The following PCDH11X variants were observed in gnomAD, a reference collection of about 807,000 sequenced individuals.
The protein encoded by PCDH11X is protocadherin 11 X-linked.
PCDH11X carries 18 observed loss-of-function variants against 53.3 expected under a neutral mutation model. The ratio of observed to expected loss-of-function variants is 0.34; its 90% CI spans 0.23 to 0.50. The LOEUF (loss-of-function observed/expected upper bound fraction) is 0.50. Ranked by LOEUF, PCDH11X falls within the 20% of genes least tolerant of loss-of-function variation. The pLI, the probability that PCDH11X is intolerant of heterozygous loss-of-function variation, is 0.98. For synonymous variants in PCDH11X, 279 were observed against 393.3 expected (o/e 0.71, Z 3.44); for missense variants, 570 against 1,032.4 (o/e 0.55, Z 6.14).
intron 6 of PCDH11X, among the ~76,000 whole-genome samples, chrX:91,925,944 A>G (rs1333155103): frequency 9.2e-6 from 1 of 108,528 alleles, no homozygotes; most frequent in Non-Finnish European, 1.9e-5. Context: ...TCTCTTGATG[A>G]CATATTATCT....
At chrX:92,112,348 A>T (rs2064537068) in intron 6 of PCDH11X, among the ~76,000 whole-genome samples, 1 of 100,261 alleles carries the variant, frequency 1.0e-5, no homozygotes, top group Non-Finnish European at 2.0e-5. Context: ...AAAAAAAAAA[A>T]AGTATAGTCA....
At chrX:92,032,918 G>A (rs1166172315) in intron 6 of PCDH11X, among the ~76,000 whole-genome samples, 1 of 105,482 alleles carries the variant, frequency 9.5e-6, no homozygotes, top group Non-Finnish European at 1.9e-5. Flanking sequence ...GGGCTCATGT[G>A]ATTCTCCCAT....
At chrX:91,842,948 A>C (rs1270389208) in intron 5 of PCDH11X, among the ~76,000 whole-genome samples, 5 of 102,594 alleles carry the variant, frequency 4.9e-5, no homozygotes, top group African/African-American at 1.8e-4. Flanking sequence ...TACTTATTTT[A>C]TATATAGAAT....
chrX:92,592,152 G>A (rs1925095454), intron 10 of PCDH11X, among the ~76,000 whole-genome samples: 1 of 87,640 alleles, frequency 1.1e-5, no homozygotes, highest in Non-Finnish European at 2.2e-5. Context: ...CTCTGGGTCA[G>A]TTGCTAACTC....
At chrX:92,465,690 A>C (rs1281997428) in intron 9 of PCDH11X, among the ~76,000 whole-genome samples, 1 of 111,427 alleles carries the variant, frequency 9.0e-6, no homozygotes, top group African/African-American at 3.2e-5. Flanking sequence ...TGTTTTAGGA[A>C]TATAAAGGAG....
At chrX:92,449,271 A>G (rs1603324694) in intron 9 of PCDH11X, among the ~76,000 whole-genome samples, 2 of 112,133 alleles carry the variant, frequency 1.8e-5, no homozygotes, top group Admixed American at 1.9e-4. Context: ...AGAACTACAC[A>G]ACTTTCAAAT....
At chrX:92,516,048 A>G (rs1194907225) in intron 10 of PCDH11X, among the ~76,000 whole-genome samples, 1 of 111,833 alleles carries the variant, frequency 8.9e-6, no homozygotes. Flanking sequence ...ATAAGCTTCT[A>G]TTTTACCAGG....
In PCDH11X at chrX:91,982,356, C is replaced by T. The variant is rs759757692; in HGVS notation, c.3033+103083C>T. 1.1e-4 allele frequency among the ~76,000 whole-genome samples: 12 copies of T among 108,975 alleles called. No individual in the cohort carries two copies. In the East Asian group the frequency reaches 1.2e-3, roughly 11 times the overall value. The allele number at this position is 108,975 out of a possible 115,157, so 94.6% of individuals were successfully genotyped here. A position where few individuals can be genotyped will look rare whatever the true frequency, so the allele number is the denominator to read the frequency against. ...ATTTACTCAATATGAACTTACAAAG[C>T]GCCTACATATTATCAGCTTCCACTT... On this transcript the variant is annotated intron_variant, in intron 6 of 10. Coordinates refer to ENST00000682573, the MANE Select transcript of PCDH11X (RefSeq NM_032968.5).
intron 9 of PCDH11X, among the ~76,000 whole-genome samples, chrX:92,450,396 CAAAG>C (rs2072754884): frequency 1.0e-5 from 1 of 99,981 alleles, no homozygotes; most frequent in Non-Finnish European, 2.0e-5. Flanking sequence ...ATACTTGAAA[CAAAG>C]AAGTGTACAT....
chrX:92,584,992 A>T (rs1439514183), intron 10 of PCDH11X, among the ~76,000 whole-genome samples: 1 of 109,213 alleles, frequency 9.2e-6, no homozygotes, highest in Non-Finnish European at 1.9e-5. Flanking sequence ...GGGTTTCTCC[A>T]TGTTGGTTAT....
chrX:91,985,143 C>A (rs769863056), intron 6 of PCDH11X, among the ~76,000 whole-genome samples: 83 of 111,832 alleles, frequency 7.4e-4, no homozygotes, highest in African/African-American at 2.6e-3. Context: ...GGTTTTGTAG[C>A]AGGAGAGTTT....
chrX:92,423,185 G>T, intron 9 of PCDH11X, among the ~76,000 whole-genome samples: 1 of 96,157 alleles, frequency 1.0e-5, no homozygotes, highest in East Asian at 3.1e-4. Flanking sequence ...GCAGGAGTAA[G>T]GTGGTATTGC....
chrX:91,969,867 G>T (rs1373361208), intron 6 of PCDH11X, among the ~76,000 whole-genome samples: 2 of 110,091 alleles, frequency 1.8e-5, no homozygotes, highest in Admixed American at 1.9e-4. Context: ...GCATGGCTTG[G>T]TGGAGAGTGC....
intron 6 of PCDH11X, among the ~76,000 whole-genome samples, chrX:92,134,786 T>G (rs754324028): frequency 9.0e-6 from 1 of 111,604 alleles, no homozygotes; most frequent in Non-Finnish European, 1.9e-5. Context: ...GTCATGGCAC[T>G]GGGGGGAATG....
intron 6 of PCDH11X, among the ~76,000 whole-genome samples, chrX:92,140,017 G>A (rs1159491420): frequency 1.9e-4 from 21 of 108,260 alleles, no homozygotes; most frequent in Non-Finnish European, 3.4e-4. Flanking sequence ...AAATGTGAAA[G>A]GAGGTAAGAA....
intron 9 of PCDH11X, among the ~76,000 whole-genome samples, chrX:92,415,031 G>C (rs1349237910): frequency 9.0e-6 from 1 of 110,924 alleles, no homozygotes; most frequent in African/African-American, 3.3e-5. Flanking sequence ...ATGCTAATTT[G>C]GAGAGAAAAG....
At chrX:92,105,225 T>C (rs886826828) in intron 6 of PCDH11X, among the ~76,000 whole-genome samples, 3 of 110,673 alleles carry the variant, frequency 2.7e-5, no homozygotes, top group African/African-American at 6.6e-5. Context: ...GGTTCCAAGA[T>C]TGAAAGGAGA....
At chrX:92,475,106 A>G (rs1234869638) in intron 10 of PCDH11X, among the ~76,000 whole-genome samples, 2 of 85,522 alleles carry the variant, frequency 2.3e-5, no homozygotes, top group Admixed American at 3.2e-4. Flanking sequence ...CGGAGCTTGC[A>G]GTGAGCCGAG....
At chrX:92,010,742 T>G in intron 6 of PCDH11X, among the ~76,000 whole-genome samples, 1 of 110,092 alleles carries the variant, frequency 9.1e-6, no homozygotes, top group Middle Eastern at 4.6e-3. Context: ...TTTCTGACTT[T>G]TAGGTTCAGG....
Sources: gnomAD v4.1 joint callset for allele counts (sites outside exome capture counted in the v4.1 genomes callset) on GRCh38, gnomAD v4.1.1 for gene constraint, MANE v1.5 for transcripts, NCBI Gene and HGNC (gene_info 2026-07-23, HGNC 2026-07-21) for gene names.